HPS5: variants seen among roughly 807,000 people sequenced by gnomAD.
HPS5 encodes the protein BLOC-2 complex member HPS5.
A neutral mutation model predicts 128.0 loss-of-function variants in HPS5; 83 were observed. That is an observed-to-expected ratio of 0.65 (90% CI 0.54 to 0.78). The LOEUF (loss-of-function observed/expected upper bound fraction) is 0.78, where lower values mean the gene tolerates loss of function less well. HPS5 is among the 30% of genes least tolerant of loss of function. HPS5 has a pLI of 0.00. For synonymous variants in HPS5, 475 were observed against 470.2 expected, an observed-to-expected ratio of 1.01 and a Z score of -0.13; for missense variants, 1,281 against 1,326.2, an observed-to-expected ratio of 0.97 and a Z score of 0.53.
At chr11:18,281,922 T>A (rs1252690775) in intron 22 of HPS5, 28 bp downstream of exon 22, 3 of 1,613,844 alleles carry the variant, frequency 1.9e-6, no homozygotes, top group African/African-American at 2.7e-5. Context: ...CCAAGCACTA[T>A]GCAGAGGGTA....
At chr11:18,300,620 C>A (rs971841964) in intron 9 of HPS5, among the ~76,000 whole-genome samples, 2 of 149,374 alleles carry the variant, frequency 1.3e-5, no homozygotes, top group African/African-American at 4.9e-5. Context: ...TCACTTGAAC[C>A]CAGGAGGTGG....
At chr11:18,286,834 C>G (rs1590057648) in intron 18 of HPS5, 124 bp from the exon 19 acceptor site, 1 of 1,255,862 alleles carries the variant, frequency 8.0e-7, no homozygotes, top group East Asian at 2.5e-5. Context: ...CTTGAAAACT[C>G]TTCTGCTACA....
chr11:18,292,030 C>T lies in HPS5; in HGVS notation c.1863-11G>A. The T allele has an allele frequency of 6.3e-7, 1 of 1,597,752 alleles. No individual in the cohort carries two copies. Among genetic ancestry groups the T allele is most frequent in the South Asian group, 1.1e-5 (1 of 90,696 alleles). The stretch of plus-strand genomic sequence containing the variant: ...TCCTGTAGCTTGGTCCTATACAAGA[C>T]AGACAAGTATGAAATTCATGTGTCA... On this transcript the variant is annotated splice_polypyrimidine_tract_variant and intron_variant, in intron 15 of 22. Coordinates refer to ENST00000349215, the MANE Select transcript of HPS5 (RefSeq NM_181507.2).
chr11:18,292,542 T>C, intron 15 of HPS5, among the ~76,000 whole-genome samples: 1 of 152,204 alleles, frequency 6.6e-6, no homozygotes, highest in South Asian at 2.1e-4. Context: ...CCCCAAACTG[T>C]CTCAGGACCA....
At chr11:18,281,434 T>C (rs1434049620) in intron 22 of HPS5, among the ~76,000 whole-genome samples, 1 of 151,604 alleles carries the variant, frequency 6.6e-6, no homozygotes, top group Non-Finnish European at 1.5e-5. Flanking sequence ...GGAGTCTCGC[T>C]CTGTCACCAG....
chr11:18,301,610 C>T (rs1320963580), intron 8 of HPS5, among the ~76,000 whole-genome samples: 1 of 152,070 alleles, frequency 6.6e-6, no homozygotes, highest in African/African-American at 2.4e-5. Flanking sequence ...CATCTTACTG[C>T]CAATCATTAC....
rs1382495952 is a variant in HPS5 at position 18,311,387 on chromosome 11, C to G, written c.284G>C (p.Ser95Thr). ...HDDDYVAVAT[S>T]QGLVVVWELN... The stretch of plus-strand genomic sequence containing the variant: ...AGATAGTTTTGGAACAGATTCTTAC[C>G]TGGTAGCTACAGCAACATAATCATC... Residue 95 changes from serine (S) to threonine (T), a missense_variant and splice_region_variant, in exon 4 of 23, where the codon AGT becomes ACT. Coordinates refer to ENST00000349215, the MANE Select transcript of HPS5 (RefSeq NM_181507.2). 6.3e-7 allele frequency: 1 copy of G among 1,596,936 alleles called. No individual in the cohort carries two copies.
intron 22 of HPS5, chr11:18,280,543 C>A: frequency 1.4e-6 from 1 of 698,866 alleles, no homozygotes; most frequent in Non-Finnish European, 2.6e-6. Flanking sequence ...CAGGTATATA[C>A]CCGAAAGAAC....
intron 20 of HPS5, among the ~76,000 whole-genome samples, chr11:18,284,622 T>A (rs1859448990): frequency 6.6e-6 from 1 of 152,232 alleles, no homozygotes; most frequent in Non-Finnish European, 1.5e-5. Flanking sequence ...AGGTCCTGCA[T>A]GATCTTGTCA....
chr11:18,300,794 T>C (rs201904735), intron 9 of HPS5, 34 bp downstream of exon 9: 1 of 1,089,810 alleles, frequency 9.2e-7, no homozygotes, highest in Non-Finnish European at 1.4e-6. Context: ...TTCATAAGCA[T>C]GAGATTAAAA....
chr11:18,318,938 CA>C (rs1863967055), intron 1 of HPS5, among the ~76,000 whole-genome samples: 1 of 149,570 alleles, frequency 6.7e-6, no homozygotes, highest in African/African-American at 2.5e-5. Context: ...TTTCTAGTGG[CA>C]AAACGAAGAC....
chr11:18,298,864 CA>C lies in HPS5; in HGVS notation c.1091del (p.Leu364ArgfsTer2). On this transcript the variant is annotated frameshift_variant, in exon 10 of 23. Coordinates refer to ENST00000349215, the MANE Select transcript of HPS5 (RefSeq NM_181507.2). LOFTEE classifies it high-confidence loss of function. ...LISVERCVER[L>X]LRRGLWNLAA... The stretch of plus-strand genomic sequence containing the variant: ...CCAAGTTCCATAGGCCTCTTCTTAG[CA>C]GGCGTTCCACACAGCGCTCCACAGA... 4 of 1,614,184 alleles carry C rather than the reference CA, an allele frequency of 2.5e-6. No individual in the cohort carries two copies. Among genetic ancestry groups the C allele is most frequent in the Non-Finnish European group, 3.4e-6 (4 of 1,180,012 alleles).
At chr11:18,302,766 C>A (rs190618838) in intron 8 of HPS5, among the ~76,000 whole-genome samples, 67 of 125,966 alleles carry the variant, frequency 5.3e-4, no homozygotes, top group Non-Finnish European at 9.1e-4. Flanking sequence ...TGGTCAGAAT[C>A]TGAATCCAAA....
chr11:18,309,045 G>A lies in HPS5; in HGVS notation c.512C>T (p.Thr171Ile). The A allele has an allele frequency of 6.2e-7, 1 of 1,613,860 alleles. No individual in the cohort carries two copies. The highest frequency in any genetic ancestry group is 8.5e-7 in the Non-Finnish European group (1 of 1,179,782). The change falls in exon 6 of 23, where the codon ACA becomes ATA. Residue 171 changes from threonine to isoleucine, a missense_variant. Physicochemically the swap from Thr to Ile is moderately conservative, Grantham distance 89 (BLOSUM62 -1). Transcript: ENST00000349215. ...AACACAGGAGTCAACAGTTGTGATT[G>A]TCTGAACAGGAAACATCACAAAAGC... ...AAAFVMFPVQ[T>I]ITTVDSCVVQ...
rs745379430 is a variant in HPS5 at position 18,311,465 on chromosome 11, G to A, written c.220-14C>T. Reference sequence around the variant, plus strand: ...AATTGCACCTTCCTAGAGCACAAAAGAAAATACATTTTTTAAATCTCAAGT... The same window carrying A: ...AATTGCACCTTCCTAGAGCACAAAAAAAAATACATTTTTTAAATCTCAAGT... On this transcript the variant is annotated splice_polypyrimidine_tract_variant and intron_variant, in intron 3 of 22. Coordinates refer to ENST00000349215, the MANE Select transcript of HPS5 (RefSeq NM_181507.2). The A allele has an allele frequency of 1.5e-5, 23 of 1,500,030 alleles. No homozygotes were observed. The Middle Eastern group carries it at 6.9e-4, about 45-fold the overall frequency. 92.9% of individuals were successfully genotyped at this position (1,500,030 alleles called of 1,614,324 possible). A position where few individuals can be genotyped will look rare whatever the true frequency, so the allele number is the denominator to read the frequency against.
At chr11:18,315,003 T>G (rs540824183) in intron 2 of HPS5, among the ~76,000 whole-genome samples, 2 of 151,150 alleles carry the variant, frequency 1.3e-5, no homozygotes, top group Non-Finnish European at 3.0e-5. Flanking sequence ...CCAGGGCAGC[T>G]TCTTCCTCTT....
At position 18,282,039 on chromosome 11, in the gene HPS5, T is replaced by C. The variant is rs752905360; in HGVS notation, c.3240A>G (p.Ser1080=). The change falls in exon 22 of 23, where the codon TCA becomes TCG. Residue 1080 remains serine, a synonymous_variant. Coordinates refer to ENST00000349215, the MANE Select transcript of HPS5 (RefSeq NM_181507.2). ...GGGCCAGACCACATTCCTGTAGCAG[T>C]GACCAAGCCCGATCTGGGCCCATGG... ...AKAMGPDRAW[S]LLQECGLALE... The C allele has an allele frequency of 3.7e-6, 6 of 1,614,202 alleles. No individual in the cohort carries two copies. The South Asian group carries it at 5.5e-5, about 15-fold the overall frequency.
chr11:18,294,983 C>T, intron 14 of HPS5, 37 bp downstream of exon 14: 1 of 1,612,078 alleles, frequency 6.2e-7, no homozygotes, highest in Non-Finnish European at 8.5e-7. Context: ...CAGCTGGATT[C>T]CCTAGAATGT....
In HPS5 at chr11:18,283,906, A is replaced by G; in HGVS notation, c.2952-5T>C. Reference sequence around the variant, plus strand: ...ATTAGATATCCAGGCCAGAAACTTTAAAGAGACCGAAGTTGAAGAAAGGAA... The same window carrying G: ...ATTAGATATCCAGGCCAGAAACTTTGAAGAGACCGAAGTTGAAGAAAGGAA... On this transcript the variant is annotated splice_polypyrimidine_tract_variant and splice_region_variant and intron_variant, in intron 20 of 22. Coordinates refer to ENST00000349215, the MANE Select transcript of HPS5 (RefSeq NM_181507.2). 1 of 1,599,856 alleles carries G rather than the reference A, an allele frequency of 6.3e-7. No individual in the cohort carries two copies.
Sources: gnomAD v4.1 joint callset for allele counts (sites outside exome capture counted in the v4.1 genomes callset) on GRCh38, gnomAD v4.1.1 for gene constraint, MANE v1.5 for transcripts, NCBI Gene and HGNC (gene_info 2026-07-23, HGNC 2026-07-21) for gene names.